The following LMNTD1 variants were observed in gnomAD, a reference collection of about 807,000 sequenced individuals.
LMNTD1 encodes lamin tail domain containing 1.
In LMNTD1, 35 loss-of-function variants were observed where a neutral mutation model predicts 50.9. The observed-to-expected ratio is 0.69, with a 90% CI of 0.53 to 0.91. The LOEUF (loss-of-function observed/expected upper bound fraction) is 0.91, where lower values mean the gene tolerates loss of function less well. Ranked by LOEUF, LMNTD1 falls within the 40% of genes least tolerant of loss-of-function variation. The probability of loss-of-function intolerance (pLI) is 0.00; values close to 1 mark genes in which losing one functional copy is unlikely to be tolerated. For missense variants in LMNTD1, 470 were observed against 475.5 expected, an observed-to-expected ratio of 0.99 and a Z score of 0.11; for synonymous variants, 153 against 161.9, an observed-to-expected ratio of 0.94 and a Z score of 0.42.
chr12:25,515,111 T>C (rs539898847), intron 8 of LMNTD1, among the ~76,000 whole-genome samples: 2 of 152,228 alleles, frequency 1.3e-5, no homozygotes, highest in East Asian at 1.9e-4. Context: ...TTTGTATGTA[T>C]GCACAAGTAG....
At chr12:25,523,210 T>G (rs1941465720) in intron 6 of LMNTD1, among the ~76,000 whole-genome samples, 1 of 152,058 alleles carries the variant, frequency 6.6e-6, no homozygotes, top group African/African-American at 2.4e-5. Flanking sequence ...ATGTTTGTAT[T>G]TTTAGTAGAG....
chr12:25,493,208 T>C (rs1044378815), intron 9 of LMNTD1, among the ~76,000 whole-genome samples: 3 of 152,252 alleles, frequency 2.0e-5, no homozygotes, highest in African/African-American at 7.2e-5. Flanking sequence ...CAATGTATTA[T>C]TCTTACACAT....
chr12:25,626,353 C>CAT (rs1946589143), intron 1 of LMNTD1, among the ~76,000 whole-genome samples: 1 of 151,844 alleles, frequency 6.6e-6, no homozygotes, highest in Admixed American at 6.6e-5. Context: ...CACACACACA[C>CAT]ACATATATAT....
intron 4 of LMNTD1, among the ~76,000 whole-genome samples, chr12:25,542,289 T>C (rs1943134211): frequency 6.6e-6 from 1 of 151,806 alleles, no homozygotes; most frequent in African/African-American, 2.4e-5. Context: ...TATTGCGGCA[T>C]TATTCACAAT....
At chr12:25,590,747 C>T (rs1246997515) in intron 1 of LMNTD1, among the ~76,000 whole-genome samples, 1 of 152,160 alleles carries the variant, frequency 6.6e-6, no homozygotes, top group African/African-American at 2.4e-5. Flanking sequence ...GCTCAGCCCA[C>T]AACAGGATAG....
intron 9 of LMNTD1, among the ~76,000 whole-genome samples, chr12:25,480,588 T>A (rs1425417477): frequency 6.6e-6 from 1 of 152,182 alleles, no homozygotes; most frequent in Non-Finnish European, 1.5e-5. Context: ...TGCTGCTCTT[T>A]CCAAATACCA....
chr12:25,619,252 C>CTCTCTCTCTCTCTATATATATATATA (rs1374134268), intron 1 of LMNTD1, among the ~76,000 whole-genome samples: 4 of 84,440 alleles, frequency 4.7e-5, no homozygotes, highest in African/African-American at 1.5e-4. Context: ...CTCTCTCTCT[C>CTCTCTCTCTCTCTATATATATATATA]TATATATATA....
rs200635489 is a variant in LMNTD1 at position 25,503,723 on chromosome 12, A to C, written c.*22+15T>G. 4.3e-5 allele frequency: 62 copies of C among 1,434,702 alleles called. No individual in the cohort carries two copies. Among genetic ancestry groups the C allele is most frequent in the Middle Eastern group, 4.5e-4 (2 of 4,434 alleles). 88.9% of individuals were successfully genotyped at this position (1,434,702 alleles called of 1,614,324 possible). A position where few individuals can be genotyped will look rare whatever the true frequency, so the allele number is the denominator to read the frequency against. On this transcript the variant is annotated intron_variant, in intron 9 of 9. Transcript: ENST00000458174. ...TTTTCTGTGGAGAAAGCAAATTTGC[A>C]ATACAGTTACTTACCTTTAAAGGTT...
chr12:25,545,824 A>C (rs761404700), intron 4 of LMNTD1, among the ~76,000 whole-genome samples: 7 of 151,648 alleles, frequency 4.6e-5, no homozygotes, highest in Non-Finnish European at 8.9e-5. Flanking sequence ...ACTTCTATCA[A>C]CATGTCTTAT....
intron 1 of LMNTD1, among the ~76,000 whole-genome samples, chr12:25,571,112 G>A (rs576045153): frequency 6.6e-6 from 1 of 152,124 alleles, no homozygotes; most frequent in South Asian, 2.1e-4. Context: ...TTTAACAAGG[G>A]GTCCCGTAAA....
intron 4 of LMNTD1, among the ~76,000 whole-genome samples, chr12:25,536,460 T>C (rs1052203795): frequency 6.6e-6 from 1 of 151,998 alleles, no homozygotes; most frequent in Non-Finnish European, 1.5e-5. Flanking sequence ...TGTAAAACAC[T>C]TTGAAACTAA....
At chr12:25,537,536 C>G (rs1185175261) in intron 4 of LMNTD1, among the ~76,000 whole-genome samples, 4 of 152,062 alleles carry the variant, frequency 2.6e-5, no homozygotes, top group Non-Finnish European at 5.9e-5. Flanking sequence ...GGAAAACTAA[C>G]AAACAGTAAG....
chr12:25,567,308 T>C (rs976830356), intron 1 of LMNTD1, among the ~76,000 whole-genome samples: 7 of 152,350 alleles, frequency 4.6e-5, no homozygotes, highest in African/African-American at 1.7e-4. Flanking sequence ...ATTGTTGTAC[T>C]GTTTGCTTCT....
intron 4 of LMNTD1, among the ~76,000 whole-genome samples, chr12:25,543,082 G>T (rs1943205219): frequency 6.6e-6 from 1 of 151,916 alleles, no homozygotes; most frequent in African/African-American, 2.4e-5. Flanking sequence ...TATTCAAGAA[G>T]AAATAATTAG....
intron 9 of LMNTD1, among the ~76,000 whole-genome samples, chr12:25,487,795 G>A (rs1938710214): frequency 1.2e-5 from 1 of 82,526 alleles, no homozygotes; most frequent in South Asian, 5.5e-4. Flanking sequence ...TCCATGTTTA[G>A]CGCTTCCTTC....
intron 1 of LMNTD1, among the ~76,000 whole-genome samples, chr12:25,577,362 C>T (rs931394852): frequency 2.6e-5 from 4 of 152,128 alleles, no homozygotes; most frequent in African/African-American, 4.8e-5. Context: ...TCTTTTAATT[C>T]GTTGAGCAGT....
intron 4 of LMNTD1, among the ~76,000 whole-genome samples, chr12:25,538,640 T>C (rs570425530): frequency 2.2e-5 from 3 of 138,774 alleles, no homozygotes; most frequent in African/African-American, 8.0e-5. Context: ...TAAAGACCAT[T>C]GAGACTAGGA....
intron 4 of LMNTD1, among the ~76,000 whole-genome samples, chr12:25,531,741 TTTC>T: frequency 6.6e-6 from 1 of 152,294 alleles, no homozygotes; most frequent in East Asian, 1.9e-4. Context: ...TACCTCAATC[TTTC>T]TTCTCCTTCA....
chr12:25,476,959 T>TAATCCAGGGC (rs1309463148), intron 9 of LMNTD1, among the ~76,000 whole-genome samples: 7 of 152,102 alleles, frequency 4.6e-5, no homozygotes, highest in Non-Finnish European at 7.4e-5. Context: ...ATGGCCAGGG[T>TAATCCAGGGC]AATCCAGGGC....
Sources: gnomAD v4.1 joint callset for allele counts (sites outside exome capture counted in the v4.1 genomes callset) on GRCh38, gnomAD v4.1.1 for gene constraint, MANE v1.5 for transcripts, NCBI Gene and HGNC (gene_info 2026-07-23, HGNC 2026-07-21) for gene names.